PRUNE2: variants seen among roughly 807,000 people sequenced by gnomAD.
The protein encoded by PRUNE2 is protein prune homolog 2.
Under a neutral mutation model 252.0 loss-of-function variants are expected in PRUNE2, and 164 were observed. That is an observed-to-expected ratio of 0.65 (90% CI 0.57 to 0.74). The LOEUF is 0.74. Ranked by LOEUF, PRUNE2 falls within the 30% of genes least tolerant of loss-of-function variation. The pLI is 0.00. For synonymous variants in PRUNE2, 1,292 were observed against 1,350.2 expected, an observed-to-expected ratio of 0.96 and a Z score of 0.94; for missense variants, 3,495 against 3,711.0, an observed-to-expected ratio of 0.94 and a Z score of 1.51.
At chr9:76,717,042 C>T (rs1231405873) in intron 6 of PRUNE2, among the ~76,000 whole-genome samples, 1 of 152,188 alleles carries the variant, frequency 6.6e-6, no homozygotes, top group Non-Finnish European at 1.5e-5. Context: ...CCCTCAAGTG[C>T]TCTAGCTCAG....
intron 9 of PRUNE2, among the ~76,000 whole-genome samples, chr9:76,688,100 T>C (rs1178111294): frequency 6.6e-6 from 1 of 152,200 alleles, no homozygotes; most frequent in Non-Finnish European, 1.5e-5. Context: ...CAGACAACAT[T>C]TGGCCTCACC....
At chr9:76,724,303 C>CAAA (rs796291956) in intron 6 of PRUNE2, among the ~76,000 whole-genome samples, 13 of 69,412 alleles carry the variant, frequency 1.9e-4, no homozygotes, top group East Asian at 5.2e-4. Context: ...GATAGAAATA[C>CAAA]AAAAAAAAAA....
chr9:76,687,441 C>T (rs181666331), intron 9 of PRUNE2, among the ~76,000 whole-genome samples: 2 of 152,300 alleles, frequency 1.3e-5, no homozygotes, highest in Non-Finnish European at 2.9e-5. Flanking sequence ...TTGAGCAGCA[C>T]TAAATCCTGC....
chr9:76,820,394 T>G (rs1251993367), intron 6 of PRUNE2, among the ~76,000 whole-genome samples: 1 of 152,194 alleles, frequency 6.6e-6, no homozygotes, highest in East Asian at 1.9e-4. Context: ...CCAGATAACC[T>G]ATAACTATTG....
intron 6 of PRUNE2, among the ~76,000 whole-genome samples, chr9:76,749,880 T>C (rs2050460619): frequency 6.6e-6 from 1 of 152,168 alleles, no homozygotes; most frequent in Non-Finnish European, 1.5e-5. Context: ...AGATTCAAGA[T>C]CAGAATCGCT....
At chr9:76,619,839 G>A (rs755026689) in intron 17 of PRUNE2, among the ~76,000 whole-genome samples, 10 of 152,166 alleles carry the variant, frequency 6.6e-5, no homozygotes, top group African/African-American at 1.4e-4. Flanking sequence ...AAATGTCAGC[G>A]TCAGCTCTCC....
At position 76,780,845 on chromosome 9, in the gene PRUNE2, C is replaced by T. The variant is rs530566971; in HGVS notation, c.756+42787G>A. Among the ~76,000 whole-genome samples the T allele has an allele frequency of 1.8e-4, 27 of 152,324 alleles. No homozygotes were observed. In the South Asian group the frequency reaches 5.4e-3, roughly 30 times the overall value. On this transcript the variant is annotated intron_variant, in intron 6 of 18. Coordinates refer to ENST00000376718, the MANE Select transcript of PRUNE2 (RefSeq NM_015225.3). Reference sequence around the variant, plus strand: ...CTCCTCCATCGTATCGGGAGATGCCCAGGTGGGGATCTGCCCAGGACCACG... The same window carrying T: ...CTCCTCCATCGTATCGGGAGATGCCTAGGTGGGGATCTGCCCAGGACCACG...
In PRUNE2 at chr9:76,636,414, TAC is replaced by T. The variant is rs1007942639; in HGVS notation, c.9050+55_9050+56del. 8.0e-6 allele frequency: 7 copies of T among 878,832 alleles called. No homozygotes were observed. The African/African-American group carries it at 1.2e-4, about 15-fold the overall frequency. The allele number at this position is 878,832 out of a possible 1,614,324, so 54.4% of individuals were successfully genotyped here. ...GAATTCTTGTTTTTAGGACAATGAG[TAC>T]ATATTTTTTAAAACTACTAGTAGTA... On this transcript the variant is annotated intron_variant, in intron 15 of 18. Transcript: ENST00000376718.
intron 4 of PRUNE2, among the ~76,000 whole-genome samples, chr9:76,833,006 T>C (rs2058751021): frequency 2.0e-5 from 3 of 152,158 alleles, no homozygotes; most frequent in Admixed American, 6.5e-5. Context: ...TTTGTATCTA[T>C]TTAAAAATGA....
At position 76,707,921 on chromosome 9, in the gene PRUNE2, A is replaced by T. The variant is rs1186757704; in HGVS notation, c.4353T>A (p.Asn1451Lys). 6.2e-7 allele frequency: 1 copy of T among 1,613,888 alleles called. No homozygotes were observed. The highest frequency in any genetic ancestry group is 8.5e-7 in the Non-Finnish European group (1 of 1,179,858). The change falls in exon 8 of 19, where the codon AAT becomes AAA. Residue 1451 changes from asparagine to lysine, a missense_variant. Asn to Lys is a moderately conservative substitution (Grantham distance 94). Transcript: ENST00000376718. ...GETTETSDGMNFTKYVSVPEK... is the reference protein window; with the variant it reads ...GETTETSDGMKFTKYVSVPEK... ...CAGGTACAGATACATATTTTGTGAA[A>T]TTCATCCCATCTGAAGTCTCAGTAG...
intron 2 of PRUNE2, among the ~76,000 whole-genome samples, chr9:76,852,482 C>G (rs115013011): frequency 0.014 from 2,112 of 152,338 alleles, 48 homozygotes; most frequent in African/African-American, 0.048. Flanking sequence ...CTCTGAGACT[C>G]TGTGTTCCCC....
chr9:76,706,849 G>A lies in PRUNE2; in HGVS notation c.5425C>T (p.Pro1809Ser), dbSNP rs762021073. 3 of 1,594,446 alleles carry A rather than the reference G, an allele frequency of 1.9e-6. No homozygotes were observed. In the Admixed American group the frequency reaches 5.2e-5, roughly 28 times the overall value. ...AGTTGAGAATTATCTTCGTTCTTTG[G>A]GAACGAAGCTTTGGGAGATATTTGC... ...AWQISPKASF[P>S]KNEDNSQLEM... The change falls in exon 8 of 19, where the codon CCA (proline) becomes TCA (serine). Residue 1809 changes from proline (P) to serine (S), a missense_variant. Pro to Ser is a moderately conservative substitution (Grantham distance 74, BLOSUM62 -1). Coordinates refer to ENST00000376718, the MANE Select transcript of PRUNE2 (RefSeq NM_015225.3).
chr9:76,695,400 G>A (rs2045290949), intron 9 of PRUNE2, among the ~76,000 whole-genome samples: 1 of 152,208 alleles, frequency 6.6e-6, no homozygotes, highest in African/African-American at 2.4e-5. Flanking sequence ...AGATGACCAA[G>A]AAGGAAAATT....
intron 6 of PRUNE2, among the ~76,000 whole-genome samples, chr9:76,820,949 G>A (rs905753109): frequency 6.6e-6 from 1 of 152,142 alleles, no homozygotes; most frequent in Admixed American, 6.5e-5. Flanking sequence ...CATTTACTAA[G>A]CATCTACTAT....
intron 9 of PRUNE2, among the ~76,000 whole-genome samples, chr9:76,656,806 T>C (rs1239491673): frequency 2.6e-5 from 4 of 152,164 alleles, no homozygotes; most frequent in Admixed American, 6.5e-5. Flanking sequence ...CTGAGACCCC[T>C]TCAAAAGCTC....
rs748603372 is a variant in PRUNE2 at position 76,706,082 on chromosome 9, G to A, written c.6192C>T (p.Ala2064=). The change falls in exon 8 of 19, where the codon GCC becomes GCT. Residue 2064 remains alanine, a synonymous_variant. Transcript: ENST00000376718. ...HGNFQEGGQL[A]SAAPDLWIDA... ...CTATCCACAAGTCAGGCGCGGCAGA[G>A]GCCAGCTGCCCACCCTCTTGAAAGT... 4.3e-6 allele frequency: 7 copies of A among 1,613,900 alleles called. No individual in the cohort carries two copies. The highest frequency in any genetic ancestry group is 3.3e-5 in the Admixed American group (2 of 60,002).
At chr9:76,701,613 G>A (rs2045896391) in intron 9 of PRUNE2, among the ~76,000 whole-genome samples, 1 of 152,120 alleles carries the variant, frequency 6.6e-6, no homozygotes, top group South Asian at 2.1e-4. Flanking sequence ...CGGATCTGGG[G>A]TCTCTCTGGA....
intron 9 of PRUNE2, among the ~76,000 whole-genome samples, chr9:76,698,146 A>G (rs1168731899): frequency 6.6e-6 from 1 of 151,976 alleles, no homozygotes; most frequent in African/African-American, 2.4e-5. Flanking sequence ...TCCTGGGTTC[A>G]AGCGATTCTC....
At chr9:76,683,710 C>T (rs1183250301) in intron 9 of PRUNE2, among the ~76,000 whole-genome samples, 3 of 152,036 alleles carry the variant, frequency 2.0e-5, no homozygotes, top group African/African-American at 7.2e-5. Context: ...TTTCGTTTAT[C>T]ACTCCTCTAA....
Sources: allele counts gnomAD v4.1 joint callset (sites outside exome capture counted in the v4.1 genomes callset), GRCh38; gene constraint gnomAD v4.1.1; transcripts MANE v1.5; gene names NCBI Gene and HGNC (gene_info 2026-07-23, HGNC 2026-07-21).